The following APBB1IP variants were observed in gnomAD, a reference collection of about 807,000 sequenced individuals.
APBB1IP encodes amyloid beta precursor protein binding family B member 1 interacting protein.
A neutral mutation model predicts 64.9 loss-of-function variants in APBB1IP; 27 were observed. The ratio of observed to expected loss-of-function variants is 0.42; its 90% confidence interval spans 0.31 to 0.57. APBB1IP has a LOEUF of 0.57. Ranked by LOEUF, APBB1IP falls within the 20% of genes least tolerant of loss-of-function variation. The pLI is 0.20. For missense variants in APBB1IP, 812 were observed against 845.5 expected, an observed-to-expected ratio of 0.96 and a Z score of 0.49; for synonymous variants, 392 against 331.0, an observed-to-expected ratio of 1.18 and a Z score of -2.00.
At chr10:26,456,304 G>A (rs1479629553) in intron 2 of APBB1IP, among the ~76,000 whole-genome samples, 1 of 152,178 alleles carries the variant, frequency 6.6e-6, no homozygotes. Flanking sequence ...TGCACTCTGG[G>A]TTCAGTACAT....
chr10:26,547,446 G>C (rs529818806), intron 11 of APBB1IP, among the ~76,000 whole-genome samples: 1 of 151,710 alleles, frequency 6.6e-6, no homozygotes, highest in Non-Finnish European at 1.5e-5. Context: ...GCTTTGTTTT[G>C]TTTTGTTTTT....
At chr10:26,439,069 G>C (rs1835311688) in intron 2 of APBB1IP, among the ~76,000 whole-genome samples, 1 of 152,154 alleles carries the variant, frequency 6.6e-6, no homozygotes, top group African/African-American at 2.4e-5. Context: ...TCGCGAGGGT[G>C]GGGGTGTGAG....
chr10:26,519,617 C>A (rs752623692), intron 8 of APBB1IP, among the ~76,000 whole-genome samples: 1 of 152,168 alleles, frequency 6.6e-6, no homozygotes, highest in Non-Finnish European at 1.5e-5. Flanking sequence ...TTGGGCCAGG[C>A]CATGAATCCA....
rs1242385480 is a variant in APBB1IP at position 26,533,506 on chromosome 10, A to G, written c.881A>G (p.Asn294Ser). Residue 294 changes from asparagine to serine, a missense_variant, in exon 9 of 15, where the codon AAC becomes AGC. By Grantham distance (46) the Asn-to-Ser change is conservative. This residue lies in a region of APBB1IP where 394 missense variants were observed against 413.1 expected (regional missense o/e 0.95). Transcript: ENST00000376236. ...ACTAATGAGAAAATGAATGCTAAGAACAAGGAATCCTTACTTGAGGTAAGG... is the reference window on the plus strand; with the variant it reads ...ACTAATGAGAAAATGAATGCTAAGAGCAAGGAATCCTTACTTGAGGTAAGG... Reference protein sequence around the residue: ...KETNEKMNAKNKESLLEESFC... With the variant: ...KETNEKMNAKSKESLLEESFC... 1.9e-6 allele frequency: 3 copies of G among 1,604,618 alleles called. No individual in the cohort carries two copies. The highest frequency in any genetic ancestry group is 2.7e-5 in the African/African-American group (2 of 74,552).
intron 13 of APBB1IP, among the ~76,000 whole-genome samples, chr10:26,561,064 C>CTTTCTTTTTTTTTTTTT (rs1218039459): frequency 4.3e-5 from 3 of 69,218 alleles, no homozygotes; most frequent in Admixed American, 2.3e-4. Flanking sequence ...TTCTTTCTTT[C>CTTTCTTTTTTTTTTTTT]TTTTTTTTTT....
At position 26,567,352 on chromosome 10, in the gene APBB1IP, CGGT is replaced by C; in HGVS notation, c.1868_1870del (p.Val623del). 2 of 1,476,026 alleles carry C rather than the reference CGGT, an allele frequency of 1.4e-6. No homozygotes were observed. Among genetic ancestry groups the C allele is most frequent in the Non-Finnish European group, 1.8e-6 (2 of 1,102,080 alleles). The allele number at this position is 1,476,026 out of a possible 1,614,324, so 91.4% of individuals were successfully genotyped here. ...CCCGACTCCGCCAGGCCGCCCCCCGCGGTGGCCAAGAGGCCTCCTGTGCCCCCC... is the reference window on the plus strand; with the variant it reads ...CCCGACTCCGCCAGGCCGCCCCCCGCGGCCAAGAGGCCTCCTGTGCCCCCC... On this transcript the variant is annotated inframe_deletion, in exon 15 of 15. Transcript: ENST00000376236.
At position 26,512,732 on chromosome 10, in the gene APBB1IP, G is replaced by A. The variant is rs146483772; in HGVS notation, c.692-807G>A. ...AGCACTCCTCCTGCCTCTGCATCCCGAGTAGCTGGGACTATAGGCACACAT... is the reference window on the plus strand; with the variant it reads ...AGCACTCCTCCTGCCTCTGCATCCCAAGTAGCTGGGACTATAGGCACACAT... On this transcript the variant is annotated intron_variant, in intron 7 of 14. Coordinates refer to ENST00000376236, the MANE Select transcript of APBB1IP (RefSeq NM_019043.4). 4.9e-3 allele frequency among the ~76,000 whole-genome samples: 752 copies of A among 152,126 alleles called. 12 individuals are homozygous for A. Among genetic ancestry groups the A allele is most frequent in the African/African-American group, 0.017 (711 of 41,490 alleles).
At chr10:26,445,951 G>GTAA (rs1285593463) in intron 2 of APBB1IP, among the ~76,000 whole-genome samples, 26 of 152,304 alleles carry the variant, frequency 1.7e-4, no homozygotes, top group African/African-American at 6.3e-4. Context: ...TAACGAAATA[G>GTAA]TAATATTCAG....
chr10:26,511,323 G>A (rs902585920), intron 6 of APBB1IP, among the ~76,000 whole-genome samples: 1 of 152,108 alleles, frequency 6.6e-6, no homozygotes, highest in African/African-American at 2.4e-5. Context: ...CAGCCTGGGC[G>A]ACAGAGCAAG....
chr10:26,553,465 A>C (rs1356343788), intron 11 of APBB1IP, among the ~76,000 whole-genome samples: 2 of 152,182 alleles, frequency 1.3e-5, no homozygotes, highest in East Asian at 3.9e-4. Flanking sequence ...CAACCTGGGC[A>C]ACATTGTGAA....
intron 4 of APBB1IP, 25 bp downstream of exon 4, chr10:26,496,416 A>G (rs1836025839): frequency 2.6e-6 from 4 of 1,539,910 alleles, no homozygotes; most frequent in Non-Finnish European, 2.7e-6. Context: ...TTCTTTTCTT[A>G]AGTAATTCAA....
intron 11 of APBB1IP, among the ~76,000 whole-genome samples, chr10:26,547,647 G>A (rs1013092940): frequency 3.9e-5 from 6 of 152,124 alleles, no homozygotes; most frequent in African/African-American, 7.2e-5. Context: ...GTTTCACCAT[G>A]TTAGCCAGGC....
At chr10:26,498,406 G>A (rs930284504) in intron 4 of APBB1IP, among the ~76,000 whole-genome samples, 4 of 152,098 alleles carry the variant, frequency 2.6e-5, no homozygotes, top group African/African-American at 9.7e-5. Context: ...CTACTCGGGA[G>A]GCTGAGGGAC....
intron 8 of APBB1IP, among the ~76,000 whole-genome samples, chr10:26,532,074 T>C (rs1836561776): frequency 6.6e-6 from 1 of 152,222 alleles, no homozygotes; most frequent in Admixed American, 6.5e-5. Flanking sequence ...ACATGCATTG[T>C]ATCAAGTTTC....
chr10:26,496,027 A>C (rs1836019979), intron 3 of APBB1IP, among the ~76,000 whole-genome samples: 2 of 146,978 alleles, frequency 1.4e-5, no homozygotes, highest in Admixed American at 6.9e-5. Flanking sequence ...CCATTACAAG[A>C]AATTATGTGT....
chr10:26,452,740 G>A lies in APBB1IP; in HGVS notation c.-1+13887G>A, dbSNP rs116346907. 2.6e-3 allele frequency among the ~76,000 whole-genome samples: 386 copies of A among 150,958 alleles called. 3 individuals carry two copies. The highest frequency in any genetic ancestry group is 9.0e-3 in the African/African-American group (368 of 41,018). Reference sequence around the variant, plus strand: ...TCTTACATGCATATATTTCATCCTGGTGCAGTCTGGACTTTCAGTGAACAG... The same window carrying A: ...TCTTACATGCATATATTTCATCCTGATGCAGTCTGGACTTTCAGTGAACAG... On this transcript the variant is annotated intron_variant, in intron 2 of 14. Coordinates refer to ENST00000376236, the MANE Select transcript of APBB1IP (RefSeq NM_019043.4).
chr10:26,499,550 C>T (rs1013225123), intron 4 of APBB1IP, among the ~76,000 whole-genome samples: 2 of 152,136 alleles, frequency 1.3e-5, no homozygotes, highest in Non-Finnish European at 2.9e-5. Flanking sequence ...ATATCTATAG[C>T]AGCTAGAATT....
chr10:26,482,418 C>A (rs1347310852), intron 2 of APBB1IP, among the ~76,000 whole-genome samples: 1 of 152,164 alleles, frequency 6.6e-6, no homozygotes, highest in Non-Finnish European at 1.5e-5. Context: ...AAAACGCTTT[C>A]ATTGCATTTT....
chr10:26,440,689 T>C (rs1835329589), intron 2 of APBB1IP, among the ~76,000 whole-genome samples: 5 of 152,162 alleles, frequency 3.3e-5, no homozygotes, highest in South Asian at 2.1e-4. Flanking sequence ...TTTTATAGTA[T>C]TTATTACATT....
Sources: gnomAD v4.1 joint callset for allele counts (sites outside exome capture counted in the v4.1 genomes callset) on GRCh38, gnomAD v4.1.1 for gene constraint, gnomAD v4.1.1 regional missense constraint, MANE v1.5 for transcripts, NCBI Gene and HGNC (gene_info 2026-07-23, HGNC 2026-07-21) for gene names.